RABGAP1L: variants seen among roughly 807,000 people sequenced by gnomAD.
The protein encoded by RABGAP1L is RAB GTPase activating protein 1 like, also known as rab GTPase-activating protein 1-like.
A neutral mutation model predicts 137.7 loss-of-function variants in RABGAP1L; 63 were observed. The observed-to-expected ratio is 0.46, with a 90% CI of 0.37 to 0.56. RABGAP1L has a LOEUF of 0.56. Among genes scored for constraint, RABGAP1L ranks in the 20% least tolerant of loss-of-function variants. RABGAP1L has a pLI of 0.00. For missense variants in RABGAP1L, 1,095 were observed against 1,244.0 expected (o/e 0.88, Z 1.80); for synonymous variants, 431 against 433.7 (o/e 0.99, Z 0.08).
rs530951411 is a variant in RABGAP1L at position 174,513,337 on chromosome 1, G to A, written c.1710+119192G>A. ...TTTGAGGCCAGATGCAGTAGCTCACGCCTGTAATTTTAGCACTTTGGGAGA... is the reference window on the plus strand; with the variant it reads ...TTTGAGGCCAGATGCAGTAGCTCACACCTGTAATTTTAGCACTTTGGGAGA... On this transcript the variant is annotated intron_variant, in intron 13 of 25. Transcript: ENST00000681986. Among the ~76,000 whole-genome samples the A allele has an allele frequency of 3.3e-4, 50 of 152,130 alleles. No homozygotes were observed. In the South Asian group the frequency reaches 1.0e-2, roughly 30 times the overall value.
At chr1:174,240,349 C>T (rs937489959) in intron 4 of RABGAP1L, among the ~76,000 whole-genome samples, 11 of 152,148 alleles carry the variant, frequency 7.2e-5, no homozygotes, top group African/African-American at 1.4e-4. Flanking sequence ...TGGGTTCAAG[C>T]GATTCTCATA....
chr1:174,788,328 G>A lies in RABGAP1L; in HGVS notation c.2212-23504G>A, dbSNP rs189294520. Among the ~76,000 whole-genome samples, 443 of 152,290 alleles carry A rather than the reference G, an allele frequency of 2.9e-3. 1 individual carries two copies. The highest frequency in any genetic ancestry group is 9.8e-3 in the African/African-American group (407 of 41,560). On this transcript the variant is annotated intron_variant, in intron 18 of 25. Coordinates refer to ENST00000681986, the MANE Select transcript of RABGAP1L (RefSeq NM_001366446.1). ...GTGTGCCATTCCCTGACTTGGTAAAGAATATTGTCTCTCTGGCAGTTTTGT... is the reference window on the plus strand; with the variant it reads ...GTGTGCCATTCCCTGACTTGGTAAAAAATATTGTCTCTCTGGCAGTTTTGT...
intron 13 of RABGAP1L, among the ~76,000 whole-genome samples, chr1:174,550,860 AT>A (rs1666383527): frequency 2.2e-4 from 8 of 36,586 alleles, no homozygotes; most frequent in South Asian, 8.3e-4. Context: ...TCTGCTAAAT[AT>A]ATATATATAT....
At chr1:174,398,018 A>G (rs1337672680) in intron 13 of RABGAP1L, among the ~76,000 whole-genome samples, 2 of 152,220 alleles carry the variant, frequency 1.3e-5, no homozygotes, top group Non-Finnish European at 2.9e-5. Context: ...CCAAAGGAAG[A>G]CATGTATAGG....
chr1:174,851,362 C>T (rs185526847), intron 19 of RABGAP1L, among the ~76,000 whole-genome samples: 2 of 152,274 alleles, frequency 1.3e-5, no homozygotes, highest in African/African-American at 4.8e-5. Flanking sequence ...GAGGCTGCAT[C>T]GTTTCCATTG....
intron 13 of RABGAP1L, among the ~76,000 whole-genome samples, chr1:174,434,627 A>C (rs1653044979): frequency 6.6e-6 from 1 of 152,184 alleles, no homozygotes; most frequent in African/African-American, 2.4e-5. Flanking sequence ...CCCTACCAAC[A>C]TTGTACTGTC....
intron 13 of RABGAP1L, among the ~76,000 whole-genome samples, chr1:174,578,642 A>T: frequency 6.6e-6 from 1 of 152,212 alleles, no homozygotes; most frequent in Non-Finnish European, 1.5e-5. Context: ...TTTTAACAAA[A>T]TATAAATAAA....
intron 14 of RABGAP1L, among the ~76,000 whole-genome samples, chr1:174,651,840 A>C (rs1023594619): frequency 6.6e-6 from 1 of 152,060 alleles, no homozygotes; most frequent in Non-Finnish European, 1.5e-5. Flanking sequence ...TTTACATTTA[A>C]AGTTAATATT....
intron 19 of RABGAP1L, among the ~76,000 whole-genome samples, chr1:174,953,035 C>CA (rs34788853): frequency 0.44 from 42,771 of 96,992 alleles, 7,507 homozygotes; most frequent in South Asian, 0.48. Context: ...GGGTGGCATG[C>CA]AAAAAAAAAA....
intron 14 of RABGAP1L, among the ~76,000 whole-genome samples, chr1:174,663,803 C>A (rs189119413): frequency 7.2e-5 from 11 of 152,190 alleles, no homozygotes; most frequent in Admixed American, 2.0e-4. Flanking sequence ...AGTTGATGCT[C>A]TGCCTTCTTA....
chr1:174,437,374 A>G (rs1653510415), intron 13 of RABGAP1L, among the ~76,000 whole-genome samples: 1 of 152,232 alleles, frequency 6.6e-6, no homozygotes, highest in Admixed American at 6.5e-5. Flanking sequence ...AAGTCCTTAA[A>G]GGACCTGATG....
At chr1:174,217,129 G>A (rs1264116546) in intron 1 of RABGAP1L, among the ~76,000 whole-genome samples, 1 of 152,098 alleles carries the variant, frequency 6.6e-6, no homozygotes, top group African/African-American at 2.4e-5. Context: ...AGAAGTGGAG[G>A]TGAATCAAGG....
At chr1:174,800,418 G>A in intron 18 of RABGAP1L, 2 of 1,550,834 alleles carry the variant, frequency 1.3e-6, no homozygotes, top group East Asian at 4.9e-5. Flanking sequence ...GACGAGAGGA[G>A]CAAGCTGGTG....
intron 13 of RABGAP1L, among the ~76,000 whole-genome samples, chr1:174,475,925 A>G (rs1184152387): frequency 2.0e-5 from 3 of 152,046 alleles, no homozygotes; most frequent in Non-Finnish European, 4.4e-5. Flanking sequence ...ATGTATAATT[A>G]ACATTATACC....
intron 13 of RABGAP1L, among the ~76,000 whole-genome samples, chr1:174,470,442 T>C (rs1456541157): frequency 1.3e-5 from 2 of 152,198 alleles, no homozygotes; most frequent in Non-Finnish European, 2.9e-5. Context: ...TTGTAATCTC[T>C]GGCCTTCCTT....
chr1:174,224,564 T>C (rs10912747), intron 3 of RABGAP1L, among the ~76,000 whole-genome samples: 56,233 of 152,056 alleles, frequency 0.37, 12,701 homozygotes, highest in African/African-American at 0.63. Flanking sequence ...AGTAATTGGT[T>C]AATTTCACCT....
At chr1:174,223,122 A>G (rs1001577114) in intron 3 of RABGAP1L, among the ~76,000 whole-genome samples, 2 of 151,668 alleles carry the variant, frequency 1.3e-5, no homozygotes, top group African/African-American at 4.8e-5. Context: ...ACAAAAATTA[A>G]CTGGGTGTGG....
intron 13 of RABGAP1L, among the ~76,000 whole-genome samples, chr1:174,408,141 A>G (rs1037506305): frequency 9.2e-5 from 14 of 152,082 alleles, no homozygotes; most frequent in African/African-American, 3.1e-4. Context: ...CATGATGCTG[A>G]AGTTTTGGGT....
chr1:174,854,288 T>G (rs1465633740), intron 19 of RABGAP1L, among the ~76,000 whole-genome samples: 1 of 152,210 alleles, frequency 6.6e-6, no homozygotes, highest in Non-Finnish European at 1.5e-5. Context: ...ACTTCATGAA[T>G]GAATAGTTTG....
Sources: gnomAD v4.1 joint callset for allele counts (sites outside exome capture counted in the v4.1 genomes callset) on GRCh38, gnomAD v4.1.1 for gene constraint, MANE v1.5 for transcripts, NCBI Gene and HGNC (gene_info 2026-07-23, HGNC 2026-07-21) for gene names.